MCC: variants seen among roughly 807,000 people sequenced by gnomAD.
The protein encoded by MCC is colorectal mutant cancer protein.
MCC carries 90 observed loss-of-function variants against 116.2 expected under a neutral mutation model. The ratio of observed to expected loss-of-function variants is 0.77; its 90% CI spans 0.65 to 0.92. The LOEUF (loss-of-function observed/expected upper bound fraction) is 0.92, where lower values mean the gene tolerates loss of function less well. Ranked by LOEUF, MCC falls within the 40% of genes least tolerant of loss-of-function variation. The probability of loss-of-function intolerance (pLI) is 0.00; values close to 1 mark genes in which losing one functional copy is unlikely to be tolerated. For missense variants in MCC, 1,516 were observed against 1,312.2 expected (o/e 1.16, Z -2.40); for synonymous variants, 578 against 510.5 (o/e 1.13, Z -1.78).
chr5:113,475,930 G>C (rs931903818), intron 1 of MCC, among the ~76,000 whole-genome samples: 6 of 152,122 alleles, frequency 3.9e-5, no homozygotes, highest in South Asian at 2.1e-4. Flanking sequence ...ACTAATTCCT[G>C]TTGCAAAGAT....
chr5:113,134,395 T>C (rs989811383), intron 5 of MCC, among the ~76,000 whole-genome samples: 1 of 152,174 alleles, frequency 6.6e-6, no homozygotes. Context: ...AGTAGATTTA[T>C]TTCTGGATTC....
intron 3 of MCC, among the ~76,000 whole-genome samples, chr5:113,183,106 G>A (rs576157766): frequency 4.6e-4 from 70 of 152,272 alleles, no homozygotes; most frequent in African/African-American, 1.6e-3. Flanking sequence ...TACCAGGTCC[G>A]TGGCTGCCAG....
intron 2 of MCC, among the ~76,000 whole-genome samples, chr5:113,345,555 C>G (rs753289064): frequency 6.6e-6 from 1 of 152,196 alleles, no homozygotes; most frequent in Non-Finnish European, 1.5e-5. Flanking sequence ...TTCTATGTGT[C>G]TCAGCACAGG....
intron 3 of MCC, among the ~76,000 whole-genome samples, chr5:113,289,872 T>C (rs1766416181): frequency 6.6e-6 from 1 of 152,210 alleles, no homozygotes. Flanking sequence ...ACCCTGCTCT[T>C]CTTACGCTTA....
intron 3 of MCC, among the ~76,000 whole-genome samples, chr5:113,287,686 T>TGCAATCATGAGGAA (rs1766317945): frequency 6.6e-6 from 1 of 152,156 alleles, no homozygotes. Context: ...CAGCCCCACC[T>TGCAATCATGAGGAA]GGGAGAAAGC....
At chr5:113,402,102 G>C (rs1769705011) in intron 1 of MCC, among the ~76,000 whole-genome samples, 1 of 151,856 alleles carries the variant, frequency 6.6e-6, no homozygotes, top group Admixed American at 6.6e-5. Flanking sequence ...AGACCACCCT[G>C]GCTAACACGG....
At chr5:113,287,588 G>A (rs534143957) in intron 3 of MCC, among the ~76,000 whole-genome samples, 1 of 152,246 alleles carries the variant, frequency 6.6e-6, no homozygotes, top group East Asian at 1.9e-4. Context: ...GCCTCCCAAA[G>A]TGCTGGGATT....
At chr5:113,183,611 A>G (rs1761738143) in intron 3 of MCC, among the ~76,000 whole-genome samples, 1 of 152,154 alleles carries the variant, frequency 6.6e-6, no homozygotes, top group Non-Finnish European at 1.5e-5. Context: ...AGCTGCATTA[A>G]TTGGAATACT....
intron 1 of MCC, among the ~76,000 whole-genome samples, chr5:113,485,009 G>A (rs908182326): frequency 3.3e-5 from 5 of 152,166 alleles, no homozygotes; most frequent in Non-Finnish European, 5.9e-5. Context: ...ATAGCTTTCT[G>A]TTCTACCTTA....
intron 6 of MCC, among the ~76,000 whole-genome samples, chr5:113,106,583 T>G (rs968535910): frequency 6.6e-6 from 1 of 152,180 alleles, no homozygotes; most frequent in African/African-American, 2.4e-5. Flanking sequence ...CTCTGTTGCA[T>G]AGGCTGGAGT....
At chr5:113,213,864 A>G (rs1430434254) in intron 3 of MCC, among the ~76,000 whole-genome samples, 1 of 152,240 alleles carries the variant, frequency 6.6e-6, no homozygotes, top group Non-Finnish European at 1.5e-5. Flanking sequence ...GAAAGAGGAC[A>G]GACAAATCAG....
intron 3 of MCC, among the ~76,000 whole-genome samples, chr5:113,241,165 T>G (rs919386427): frequency 1.3e-5 from 2 of 152,236 alleles, no homozygotes; most frequent in Non-Finnish European, 2.9e-5. Context: ...TCAACTAACT[T>G]GCAGTCTTTT....
chr5:113,481,688 G>A (rs1328306725), intron 1 of MCC, among the ~76,000 whole-genome samples: 6 of 152,242 alleles, frequency 3.9e-5, no homozygotes, highest in South Asian at 2.1e-4. Context: ...GCAGTGAGCC[G>A]AGATTGTGCC....
At chr5:113,260,929 T>C (rs1469811456) in intron 3 of MCC, among the ~76,000 whole-genome samples, 1 of 152,124 alleles carries the variant, frequency 6.6e-6, no homozygotes, top group African/African-American at 2.4e-5. Flanking sequence ...GGTGTTTTTC[T>C]TGAAGTAATA....
chr5:113,274,214 T>A (rs1444417689), intron 3 of MCC, among the ~76,000 whole-genome samples: 1 of 152,220 alleles, frequency 6.6e-6, no homozygotes, highest in African/African-American at 2.4e-5. Context: ...CAGTGGAGCA[T>A]AAATCAGATC....
chr5:113,085,219 G>C lies in MCC; in HGVS notation c.1490C>G (p.Pro497Arg), dbSNP rs1219009778. ...RLTSTNRPIN[P>R]STGELSTSSS... ...GCTTGTGCTCAGCTCCCCAGTGCTG[G>C]GGTTAATCGGGCGGTTGGTGGAAGT... Residue 497 changes from proline to arginine, a missense_variant, in exon 9 of 19, where the codon CCC becomes CGC. Coordinates refer to ENST00000408903, the MANE Select transcript of MCC (RefSeq NM_001085377.2). 6.2e-7 allele frequency: 1 copy of C among 1,614,210 alleles called. No homozygotes were observed. The highest frequency in any genetic ancestry group is 1.1e-5 in the South Asian group (1 of 91,090).
intron 3 of MCC, among the ~76,000 whole-genome samples, chr5:113,335,619 A>G (rs1159075919): frequency 6.6e-6 from 1 of 151,740 alleles, no homozygotes; most frequent in Non-Finnish European, 1.5e-5. Context: ...CTATCAGAAA[A>G]CAGGCAGTAC....
chr5:113,337,626 A>C (rs1354840557), intron 3 of MCC, among the ~76,000 whole-genome samples: 1 of 152,150 alleles, frequency 6.6e-6, no homozygotes, highest in Non-Finnish European at 1.5e-5. Flanking sequence ...ACTAGTTAAT[A>C]ATCATTTATA....
intron 3 of MCC, among the ~76,000 whole-genome samples, chr5:113,267,173 C>A (rs990193109): frequency 3.3e-5 from 5 of 152,102 alleles, no homozygotes; most frequent in Admixed American, 3.3e-4. Flanking sequence ...TGTAGCAGGC[C>A]CTCAGTGCTC....
Sources: gnomAD v4.1 joint callset for allele counts (sites outside exome capture counted in the v4.1 genomes callset) on GRCh38, gnomAD v4.1.1 for gene constraint, MANE v1.5 for transcripts, NCBI Gene and HGNC (gene_info 2026-07-23, HGNC 2026-07-21) for gene names.